Variants in DLG2 observed in about 807,000 individuals in gnomAD.
The protein encoded by DLG2 is discs large MAGUK scaffold protein 2, also known as disks large homolog 2.
In DLG2, 45 loss-of-function variants were observed where a neutral mutation model predicts 132.5. That is an observed-to-expected ratio of 0.34 (90% confidence interval 0.27 to 0.44). DLG2 has a LOEUF of 0.44. Among genes scored for constraint, DLG2 ranks in the 20% least tolerant of loss-of-function variants. The pLI is 1.00. For synonymous variants in DLG2, 424 were observed against 419.6 expected (o/e 1.01, Z -0.13); for missense variants, 1,045 against 1,196.9 (o/e 0.87, Z 1.87).
Position 85,622,102 on chromosome 11 carries a change from T to C in DLG2, c.-93+4485A>G, listed in dbSNP as rs767321023. Among the ~76,000 whole-genome samples, 99 of 152,318 alleles carry C rather than the reference T, an allele frequency of 6.5e-4. 2 individuals carry two copies. The highest frequency in any genetic ancestry group is 5.3e-4 in the Non-Finnish European group (36 of 68,028). ...GCAAGATCTTCCACCAGCAAAAAGA[T>C]TACTACTCGCTAAAGGCTCATATGA... is the stretch of plus-strand genomic sequence containing the variant. On this transcript the variant is annotated intron_variant, in intron 2 of 27. Coordinates refer to ENST00000376104, the MANE Select transcript of DLG2 (RefSeq NM_001142699.3).
chr11:83,710,232 G>A (rs781124119), intron 18 of DLG2, among the ~76,000 whole-genome samples: 5 of 151,590 alleles, frequency 3.3e-5, no homozygotes, highest in South Asian at 2.1e-4. Flanking sequence ...GCACCATCTC[G>A]GCTCACTGCA....
intron 7 of DLG2, among the ~76,000 whole-genome samples, chr11:84,304,774 C>A (rs199978314): frequency 6.6e-6 from 1 of 152,206 alleles, no homozygotes; most frequent in Admixed American, 6.5e-5. Context: ...TCTGGAGCTA[C>A]ACAAAACGAA....
At chr11:83,931,592 T>C (rs2080235556) in intron 14 of DLG2, among the ~76,000 whole-genome samples, 1 of 152,218 alleles carries the variant, frequency 6.6e-6, no homozygotes, top group African/African-American at 2.4e-5. Flanking sequence ...TTTAACTGAA[T>C]TCTTTATTCA....
chr11:84,468,007 T>C (rs780587646), intron 7 of DLG2, among the ~76,000 whole-genome samples: 1 of 151,554 alleles, frequency 6.6e-6, no homozygotes, highest in Non-Finnish European at 1.5e-5. Context: ...AGTTTGAAAA[T>C]TACCATAATA....
chr11:84,534,403 A>C (rs1380672776), intron 7 of DLG2, among the ~76,000 whole-genome samples, 167 bp downstream of exon 7: 1 of 152,224 alleles, frequency 6.6e-6, no homozygotes, highest in Non-Finnish European at 1.5e-5. Flanking sequence ...AATATGTCCC[A>C]AAAATACAAG....
chr11:85,088,494 C>T (rs1193093571), intron 6 of DLG2, among the ~76,000 whole-genome samples: 2 of 152,096 alleles, frequency 1.3e-5, no homozygotes, highest in Non-Finnish European at 2.9e-5. Context: ...AATTTTCTTC[C>T]ATGTGATTCA....
At chr11:85,097,069 T>G (rs1031779469) in intron 6 of DLG2, among the ~76,000 whole-genome samples, 1 of 152,122 alleles carries the variant, frequency 6.6e-6, no homozygotes, top group African/African-American at 2.4e-5. Flanking sequence ...CACCCATCTA[T>G]CCTATCTATT....
intron 6 of DLG2, among the ~76,000 whole-genome samples, chr11:84,859,434 ATG>A (rs1427947578): frequency 6.9e-6 from 1 of 145,072 alleles, no homozygotes; most frequent in African/African-American, 2.5e-5. Context: ...ATACATATAT[ATG>A]TATATATACA....
chr11:83,980,179 A>G (rs937442469), intron 12 of DLG2, among the ~76,000 whole-genome samples: 1 of 152,124 alleles, frequency 6.6e-6, no homozygotes, highest in Non-Finnish European at 1.5e-5. Context: ...GTAATCCAAT[A>G]GGACTGGGCC....
rs1045751588 is a variant in DLG2, at chr11:84,111,366, C to T, written c.625-12319G>A. 9.9e-5 allele frequency among the ~76,000 whole-genome samples: 15 copies of T among 152,248 alleles called. 1 individual carries two copies. The East Asian group carries it at 2.7e-3, about 27-fold the overall frequency. ...GCGAAGGCCCTTCCTTCTGGGCTTCCGTAAAACTTCATTCATAACGTGAGA... is the reference window on the plus strand; with the variant it reads ...GCGAAGGCCCTTCCTTCTGGGCTTCTGTAAAACTTCATTCATAACGTGAGA... On this transcript the variant is annotated intron_variant, in intron 9 of 27. Coordinates refer to ENST00000376104, the MANE Select transcript of DLG2 (RefSeq NM_001142699.3).
chr11:84,262,407 T>G (rs1329469864), intron 7 of DLG2, among the ~76,000 whole-genome samples: 1 of 152,172 alleles, frequency 6.6e-6, no homozygotes, highest in Non-Finnish European at 1.5e-5. Context: ...CTACAGCATT[T>G]CTCAAACTTT....
At chr11:85,346,006 C>T (rs2082813200) in intron 3 of DLG2, among the ~76,000 whole-genome samples, 2 of 151,780 alleles carry the variant, frequency 1.3e-5, no homozygotes, top group African/African-American at 4.9e-5. Flanking sequence ...CAGGGCGAGT[C>T]CACAGTGCAA....
chr11:84,698,652 C>T (rs1038342410), intron 6 of DLG2, among the ~76,000 whole-genome samples: 3 of 151,538 alleles, frequency 2.0e-5, no homozygotes, highest in African/African-American at 4.8e-5. Flanking sequence ...AGATGTGTAT[C>T]TGAAAAAATT....
At chr11:84,854,992 G>C (rs978785804) in intron 6 of DLG2, among the ~76,000 whole-genome samples, 11 of 151,968 alleles carry the variant, frequency 7.2e-5, no homozygotes, top group Non-Finnish European at 1.5e-4. Flanking sequence ...TTCATATCTA[G>C]AAGGTGCTCA....
chr11:83,710,616 G>C (rs2085181982), intron 18 of DLG2, among the ~76,000 whole-genome samples: 1 of 152,154 alleles, frequency 6.6e-6, no homozygotes, highest in Non-Finnish European at 1.5e-5. Context: ...ACAATATATA[G>C]TTCATATAAC....
chr11:83,949,575 G>A (rs1328916109), intron 14 of DLG2, among the ~76,000 whole-genome samples: 2 of 152,088 alleles, frequency 1.3e-5, no homozygotes, highest in Non-Finnish European at 2.9e-5. Context: ...GATAAATAGT[G>A]CAAGGTCATA....
At chr11:84,204,588 C>T (rs116060142) in intron 8 of DLG2, among the ~76,000 whole-genome samples, 20 of 152,000 alleles carry the variant, frequency 1.3e-4, no homozygotes, top group African/African-American at 4.6e-4. Context: ...TTAAATGAAA[C>T]ATTATAATTA....
intron 3 of DLG2, among the ~76,000 whole-genome samples, chr11:85,551,589 A>G (rs1005161882): frequency 6.6e-6 from 1 of 152,082 alleles, no homozygotes; most frequent in African/African-American, 2.4e-5. Context: ...TAAAAATTAC[A>G]AAAACATTGA....
At chr11:84,937,013 G>A (rs2048827357) in intron 6 of DLG2, among the ~76,000 whole-genome samples, 1 of 152,066 alleles carries the variant, frequency 6.6e-6, no homozygotes, top group Admixed American at 6.6e-5. Flanking sequence ...TTAGCCAGGT[G>A]TGGTGGCAGA....
Sources: allele counts gnomAD v4.1 joint callset (sites outside exome capture counted in the v4.1 genomes callset), GRCh38; gene constraint gnomAD v4.1.1; transcripts MANE v1.5; gene names NCBI Gene and HGNC (gene_info 2026-07-23, HGNC 2026-07-21).